TTC6: variants seen among roughly 807,000 people sequenced by gnomAD.
The protein encoded by TTC6 is tetratricopeptide repeat domain 6, also known as tetratricopeptide repeat protein 6.
Under a neutral mutation model 210.4 loss-of-function variants are expected in TTC6, and 172 were observed. The observed-to-expected ratio is 0.82, with a 90% CI of 0.72 to 0.93. TTC6 has a LOEUF of 0.93. Among genes scored for constraint, TTC6 ranks in the 40% least tolerant of loss-of-function variants. The pLI, the probability that TTC6 is intolerant of heterozygous loss-of-function variation, is 0.00. For synonymous variants in TTC6, 804 were observed against 819.6 expected, an observed-to-expected ratio of 0.98 and a Z score of 0.32; for missense variants, 2,414 against 2,318.1, an observed-to-expected ratio of 1.04 and a Z score of -0.85.
exon 1 of TTC6, chr14:37,622,956 G>C (rs2095654321): frequency 1.3e-6 from 2 of 1,523,676 alleles, no homozygotes; most frequent in Admixed American, 2.0e-5. Flanking sequence ...GACCATCAAA[G>C]AGCTCATACG....
chr14:37,721,847 C>CATATATATATAT lies in TTC6; in HGVS notation c.1714-3032_1714-3021dup, dbSNP rs35265224. On this transcript the variant is annotated intron_variant, in intron 6 of 30. Transcript: ENST00000553443. ...CATGCTTTGGCACTGTGAGTTTCAC[C>CATATATATATAT]ATATATATATATATATATATATATA... is the stretch of plus-strand genomic sequence containing the variant. 4.2e-3 allele frequency among the ~76,000 whole-genome samples: 498 copies of CATATATATATAT among 117,230 alleles called. 8 individuals are homozygous for CATATATATATAT. Among genetic ancestry groups the CATATATATATAT allele is most frequent in the South Asian group, 9.3e-3 (30 of 3,238 alleles). The allele number at this position is 117,230 out of a possible 152,430, so 76.9% of individuals were successfully genotyped here. A position where few individuals can be genotyped will look rare whatever the true frequency, so the allele number is the denominator to read the frequency against.
chr14:37,627,207 T>C (rs1046703049), intron 1 of TTC6, among the ~76,000 whole-genome samples: 1 of 152,202 alleles, frequency 6.6e-6, no homozygotes, highest in Non-Finnish European at 1.5e-5. Flanking sequence ...CGATGCCAGA[T>C]CTGTGCATCC....
chr14:37,668,571 T>C lies in TTC6; in HGVS notation c.940-11580T>C, dbSNP rs7157902. The stretch of plus-strand genomic sequence containing the variant: ...AAGCTCTTGAGTCCTAGGGTAGGAA[T>C]TGGCGCATCGTTACTTTTGGCCCAT... On this transcript the variant is annotated intron_variant, in intron 1 of 30. Transcript: ENST00000553443. Among the ~76,000 whole-genome samples the C allele has an allele frequency of 2.5e-3, 338 of 135,724 alleles. 10 individuals are homozygous for C. The highest frequency in any genetic ancestry group is 7.9e-3 in the African/African-American group (320 of 40,458). 89.0% of individuals were successfully genotyped at this position (135,724 alleles called of 152,430 possible). A position where few individuals can be genotyped will look rare whatever the true frequency, so the allele number is the denominator to read the frequency against.
intron 3 of TTC6, among the ~76,000 whole-genome samples, chr14:37,686,362 A>C (rs1341170729): frequency 6.6e-6 from 1 of 152,204 alleles, no homozygotes; most frequent in Non-Finnish European, 1.5e-5. Context: ...CAACCTGCTT[A>C]TGAAAGCCTC....
intron 1 of TTC6, among the ~76,000 whole-genome samples, chr14:37,631,915 AC>A (rs1219423000): frequency 6.6e-6 from 1 of 152,062 alleles, no homozygotes; most frequent in Non-Finnish European, 1.5e-5. Flanking sequence ...GGGTATTGAT[AC>A]TTGTTTATGC....
chr14:37,765,195 C>G (rs906551094), intron 14 of TTC6, among the ~76,000 whole-genome samples: 1 of 151,956 alleles, frequency 6.6e-6, no homozygotes. Flanking sequence ...CAGGATCTCA[C>G]TCTGTGCCCC....
intron 29 of TTC6, among the ~76,000 whole-genome samples, chr14:37,829,769 T>C (rs1307582184): frequency 6.6e-6 from 1 of 152,104 alleles, no homozygotes; most frequent in African/African-American, 2.4e-5. Context: ...AGGCAAGTGC[T>C]GACACTTGGG....
intron 14 of TTC6, among the ~76,000 whole-genome samples, chr14:37,761,097 C>T (rs1394019072): frequency 2.6e-5 from 4 of 152,098 alleles, no homozygotes; most frequent in Non-Finnish European, 4.4e-5. Context: ...CGGTGTCTGC[C>T]CAAACAGCCA....
chr14:37,654,140 G>A (rs1325367183), intron 1 of TTC6, among the ~76,000 whole-genome samples: 1 of 152,166 alleles, frequency 6.6e-6, no homozygotes, highest in East Asian at 1.9e-4. Context: ...TACTGAAGGT[G>A]GGGCCTGTTG....
chr14:37,649,155 C>T (rs1439775137), intron 1 of TTC6, among the ~76,000 whole-genome samples: 1 of 152,130 alleles, frequency 6.6e-6, no homozygotes, highest in African/African-American at 2.4e-5. Flanking sequence ...GTTCCAATCT[C>T]CCCCTACTCT....
intron 1 of TTC6, among the ~76,000 whole-genome samples, chr14:37,645,618 G>A (rs7145853): frequency 0.031 from 4,753 of 152,246 alleles, 283 homozygotes; most frequent in African/African-American, 0.11. Context: ...AAGTCTGAAG[G>A]AAGTAAGGGA....
At chr14:37,657,702 A>G (rs966263124) in intron 1 of TTC6, among the ~76,000 whole-genome samples, 1 of 152,206 alleles carries the variant, frequency 6.6e-6, no homozygotes, top group African/African-American at 2.4e-5. Flanking sequence ...GGAAGAGCAG[A>G]GTGGTTGCTT....
chr14:37,737,535 T>C, intron 8 of TTC6, 125 bp from the exon 11 acceptor site: 1 of 481,698 alleles, frequency 2.1e-6, no homozygotes, highest in East Asian at 3.4e-5. Flanking sequence ...TCAGTATCTG[T>C]ATTTTAATCA....
intron 14 of TTC6, among the ~76,000 whole-genome samples, chr14:37,764,467 G>A (rs2095992826): frequency 6.6e-6 from 1 of 152,010 alleles, no homozygotes; most frequent in Non-Finnish European, 1.5e-5. Flanking sequence ...TTTTGACTGT[G>A]TTTATAATGG....
At chr14:37,819,784 C>A (rs1164164350) in intron 26 of TTC6, among the ~76,000 whole-genome samples, 2 of 152,136 alleles carry the variant, frequency 1.3e-5, no homozygotes, top group African/African-American at 4.8e-5. Flanking sequence ...ATTTGTACAA[C>A]TCAGTAGGGC....
intron 2 of TTC6, among the ~76,000 whole-genome samples, chr14:37,681,633 C>T (rs908560274): frequency 5.3e-5 from 8 of 152,076 alleles, no homozygotes; most frequent in African/African-American, 1.7e-4. Flanking sequence ...TCCATCCATC[C>T]CCCCTGCCCT....
intron 25 of TTC6, among the ~76,000 whole-genome samples, chr14:37,814,308 G>A (rs539432055): frequency 1.1e-4 from 17 of 152,244 alleles, no homozygotes; most frequent in African/African-American, 3.6e-4. Flanking sequence ...GAGTCCCTAT[G>A]CGTACAGCAC....
At chr14:37,703,086 A>G (rs2095828546) in intron 5 of TTC6, among the ~76,000 whole-genome samples, 1 of 152,074 alleles carries the variant, frequency 6.6e-6, no homozygotes, top group Admixed American at 6.6e-5. Context: ...AATATATGTT[A>G]AAGCCTAAAG....
At chr14:37,689,954 A>C (rs893667304) in intron 3 of TTC6, among the ~76,000 whole-genome samples, 2 of 152,108 alleles carry the variant, frequency 1.3e-5, no homozygotes, top group Non-Finnish European at 1.5e-5. Context: ...GTGTAAACTT[A>C]AATAGAGAGA....
Sources: allele counts gnomAD v4.1 joint callset (sites outside exome capture counted in the v4.1 genomes callset), GRCh38; gene constraint gnomAD v4.1.1; transcripts MANE v1.5; gene names NCBI Gene and HGNC (gene_info 2026-07-23, HGNC 2026-07-21).